SCAPER: variants seen among roughly 807,000 people sequenced by gnomAD.
SCAPER encodes the protein S-phase cyclin A associated protein in the ER, also known as S phase cyclin A-associated protein in the endoplasmic reticulum.
A neutral mutation model predicts 182.2 loss-of-function variants in SCAPER; 98 were observed. That is an observed-to-expected ratio of 0.54 (90% CI 0.46 to 0.64). The LOEUF (loss-of-function observed/expected upper bound fraction) is 0.64, where lower values mean the gene tolerates loss of function less well. SCAPER is among the 30% of genes least tolerant of loss of function. SCAPER has a pLI of 0.00. For missense variants in SCAPER, 1,432 were observed against 1,690.0 expected (o/e 0.85, Z 2.68); for synonymous variants, 605 against 564.6 (o/e 1.07, Z -1.01).
At chr15:76,864,670 T>C (rs1224582693) in intron 2 of SCAPER, among the ~76,000 whole-genome samples, 1 of 152,084 alleles carries the variant, frequency 6.6e-6, no homozygotes, top group African/African-American at 2.4e-5. Flanking sequence ...TCAGCAAAGA[T>C]TTTCTACAAA....
At chr15:76,791,722 C>T (rs963901623) in intron 8 of SCAPER, among the ~76,000 whole-genome samples, 2 of 151,638 alleles carry the variant, frequency 1.3e-5, no homozygotes, top group Admixed American at 6.6e-5. Flanking sequence ...AGCTGAGAAG[C>T]TAATGAGCTA....
At chr15:76,520,695 T>A (rs2042768427) in intron 23 of SCAPER, among the ~76,000 whole-genome samples, 1 of 152,068 alleles carries the variant, frequency 6.6e-6, no homozygotes, top group South Asian at 2.1e-4. Context: ...CAGCATGAGG[T>A]TGATACAATT....
chr15:76,518,399 A>C (rs1406007473), intron 23 of SCAPER, among the ~76,000 whole-genome samples: 3 of 152,170 alleles, frequency 2.0e-5, no homozygotes, highest in East Asian at 3.9e-4. Context: ...TCTTTCCAAG[A>C]AGCAGCTGGG....
intron 21 of SCAPER, among the ~76,000 whole-genome samples, chr15:76,646,791 G>A (rs2054584662): frequency 6.6e-6 from 1 of 152,124 alleles, no homozygotes; most frequent in African/African-American, 2.4e-5. Context: ...ATTAATTTTA[G>A]AACACATATC....
chr15:76,427,888 G>A (rs968580504), intron 26 of SCAPER, among the ~76,000 whole-genome samples: 13 of 150,162 alleles, frequency 8.7e-5, no homozygotes, highest in Admixed American at 6.0e-4. Context: ...AGCTGAGATC[G>A]CATCACTGAA....
At chr15:76,547,210 T>C (rs908648505) in intron 23 of SCAPER, among the ~76,000 whole-genome samples, 4 of 152,156 alleles carry the variant, frequency 2.6e-5, no homozygotes, top group African/African-American at 9.7e-5. Context: ...ATTTAGTATT[T>C]TGAACTTTCA....
At chr15:76,904,318 A>C (rs1448228479) in intron 1 of SCAPER, among the ~76,000 whole-genome samples, 1 of 152,248 alleles carries the variant, frequency 6.6e-6, no homozygotes, top group Non-Finnish European at 1.5e-5. Flanking sequence ...ATTATTTATG[A>C]AGATGAAAAG....
Position 76,569,044 on chromosome 15 carries a change from TACA to T in SCAPER, c.2838+5111_2838+5113del, listed in dbSNP as rs1461440358. Among the ~76,000 whole-genome samples, 4 of 152,214 alleles carry T rather than the reference TACA, an allele frequency of 2.6e-5. No homozygotes were observed. The East Asian group carries it at 7.7e-4, about 29-fold the overall frequency. The stretch of plus-strand genomic sequence containing the variant: ...CTATTTCACTTTTTCTCTCAAATCT[TACA>T]ACTTTTATTTATTTATTTTTCCACT... On this transcript the variant is annotated intron_variant, in intron 23 of 31. Transcript: ENST00000563290.
At chr15:76,854,292 A>G (rs1337367054) in intron 4 of SCAPER, among the ~76,000 whole-genome samples, 2 of 152,034 alleles carry the variant, frequency 1.3e-5, no homozygotes, top group East Asian at 3.9e-4. Flanking sequence ...CAAAAAAGTC[A>G]TTAGCATTCT....
chr15:76,701,474 G>A lies in SCAPER; in HGVS notation c.2508+284C>T, dbSNP rs1428576354. On this transcript the variant is annotated intron_variant, in intron 20 of 31. Transcript: ENST00000563290. The stretch of plus-strand genomic sequence containing the variant: ...TTCCAAGAATGTGGCATGTCATTGA[G>A]TGATTATTTTCCTGCATTATTAAAA... Among the ~76,000 whole-genome samples the A allele has an allele frequency of 2.6e-5, 4 of 152,118 alleles. No homozygotes were observed. In the East Asian group the frequency reaches 7.7e-4, roughly 29 times the overall value.
intron 1 of SCAPER, among the ~76,000 whole-genome samples, chr15:76,892,806 C>A (rs563920224): frequency 6.6e-6 from 1 of 152,170 alleles, no homozygotes; most frequent in East Asian, 1.9e-4. Context: ...TTTGACCCAG[C>A]AATCCCATTA....
intron 2 of SCAPER, among the ~76,000 whole-genome samples, chr15:76,877,297 T>C (rs2073243111): frequency 6.6e-6 from 1 of 151,738 alleles, no homozygotes; most frequent in Non-Finnish European, 1.5e-5. Context: ...ATAATGATTA[T>C]GTTAGATTAC....
intron 23 of SCAPER, among the ~76,000 whole-genome samples, chr15:76,552,705 C>G (rs1013909484): frequency 6.6e-6 from 1 of 152,162 alleles, no homozygotes; most frequent in African/African-American, 2.4e-5. Context: ...GCTGCAGGAA[C>G]TGATGCAGTG....
chr15:76,842,008 T>A, intron 4 of SCAPER, 77 bp from the exon 5 acceptor site: 2 of 1,299,364 alleles, frequency 1.5e-6, no homozygotes, highest in Non-Finnish European at 2.1e-6. Context: ...AAAGATTCAA[T>A]CAACTACAAA....
At chr15:76,775,274 T>C (rs1217339069) in intron 8 of SCAPER, among the ~76,000 whole-genome samples, 157 bp from the exon 9 acceptor site, 4 of 152,180 alleles carry the variant, frequency 2.6e-5, no homozygotes, top group South Asian at 4.1e-4. Context: ...TGTATATACA[T>C]ATTTAAATAA....
chr15:76,412,551 T>G (rs1399499890), intron 26 of SCAPER, among the ~76,000 whole-genome samples: 1 of 152,124 alleles, frequency 6.6e-6, no homozygotes, highest in Non-Finnish European at 1.5e-5. Context: ...CCCAAATAAT[T>G]GGACCGTATT....
At chr15:76,454,113 A>G (rs2048558833) in intron 25 of SCAPER, among the ~76,000 whole-genome samples, 1 of 152,184 alleles carries the variant, frequency 6.6e-6, no homozygotes, top group Non-Finnish European at 1.5e-5. Flanking sequence ...CTCACCACTT[A>G]GCACCCATCC....
intron 15 of SCAPER, among the ~76,000 whole-genome samples, chr15:76,753,438 G>A (rs1279133917): frequency 1.3e-5 from 2 of 151,856 alleles, no homozygotes; most frequent in Admixed American, 1.3e-4. Flanking sequence ...ATAGAAAGCA[G>A]ATCAGTAATT....
chr15:76,786,145 G>A (rs2064582784), intron 8 of SCAPER, among the ~76,000 whole-genome samples: 1 of 151,856 alleles, frequency 6.6e-6, no homozygotes, highest in Non-Finnish European at 1.5e-5. Flanking sequence ...TGGCCAACAT[G>A]GTGAAACCAC....
Sources: allele counts gnomAD v4.1 joint callset (sites outside exome capture counted in the v4.1 genomes callset), GRCh38; gene constraint gnomAD v4.1.1; transcripts MANE v1.5; gene names NCBI Gene and HGNC (gene_info 2026-07-23, HGNC 2026-07-21).